The following DOK5 variants were observed in gnomAD, a reference collection of about 807,000 sequenced individuals.
DOK5 encodes docking protein 5.
DOK5 carries 27 observed loss-of-function variants against 43.3 expected under a neutral mutation model. The observed-to-expected ratio is 0.62, with a 90% CI of 0.46 to 0.86. The LOEUF (loss-of-function observed/expected upper bound fraction) is 0.86, where lower values mean the gene tolerates loss of function less well. Among genes scored for constraint, DOK5 ranks in the 40% least tolerant of loss-of-function variants. DOK5 has a pLI of 0.00. For synonymous variants in DOK5, 146 were observed against 140.1 expected (o/e 1.04, Z -0.30); for missense variants, 373 against 392.9 (o/e 0.95, Z 0.43).
intron 6 of DOK5, among the ~76,000 whole-genome samples, chr20:54,623,859 G>C (rs1200953587): frequency 1.3e-5 from 2 of 152,166 alleles, no homozygotes. Context: ...GATTACAGGC[G>C]TGAGCCACTG....
intron 2 of DOK5, among the ~76,000 whole-genome samples, chr20:54,569,218 T>C (rs1985204253): frequency 6.6e-6 from 1 of 152,214 alleles, no homozygotes; most frequent in Non-Finnish European, 1.5e-5. Flanking sequence ...ACACATTTGG[T>C]GAGCCTGTGG....
chr20:54,560,305 G>A (rs1600702142), intron 2 of DOK5, among the ~76,000 whole-genome samples: 1 of 152,040 alleles, frequency 6.6e-6, no homozygotes, highest in East Asian at 1.9e-4. Context: ...CCCTCCTCAT[G>A]TAAGAAACTA....
intron 5 of DOK5, among the ~76,000 whole-genome samples, chr20:54,602,798 C>G (rs1600728488): frequency 6.6e-6 from 1 of 152,012 alleles, no homozygotes; most frequent in African/African-American, 2.4e-5. Context: ...CTCAGCCTCC[C>G]GAGTAGCTGG....
intron 2 of DOK5, among the ~76,000 whole-genome samples, chr20:54,584,300 A>G (rs1245365292): frequency 6.6e-6 from 1 of 151,438 alleles, no homozygotes; most frequent in African/African-American, 2.4e-5. Flanking sequence ...TTAGGGTCAT[A>G]TTTTGATTCC....
intron 6 of DOK5, among the ~76,000 whole-genome samples, chr20:54,638,121 C>CG (rs1978927151): frequency 6.3e-5 from 1 of 15,926 alleles, no homozygotes; most frequent in African/African-American, 2.0e-4. Context: ...GACTCTGTCT[C>CG]GAAAAAAAAA....
At chr20:54,510,394 CT>C (rs1203662063) in intron 1 of DOK5, among the ~76,000 whole-genome samples, 1 of 151,904 alleles carries the variant, frequency 6.6e-6, no homozygotes, top group African/African-American at 2.4e-5. Flanking sequence ...CAGTTTTTAG[CT>C]TTTTATTAGA....
At chr20:54,642,518 A>T (rs2146829535) in intron 6 of DOK5, among the ~76,000 whole-genome samples, 1 of 147,846 alleles carries the variant, frequency 6.8e-6, no homozygotes, top group East Asian at 2.0e-4. Flanking sequence ...AGCCTGGCCA[A>T]CATGGAGAAA....
At chr20:54,611,914 T>C (rs1600735687) in intron 6 of DOK5, among the ~76,000 whole-genome samples, 2 of 152,224 alleles carry the variant, frequency 1.3e-5, no homozygotes, top group South Asian at 4.2e-4. Flanking sequence ...AGAGCCGGGG[T>C]CAGCAAATCT....
chr20:54,647,964 G>A (rs1979516835), intron 7 of DOK5, among the ~76,000 whole-genome samples: 1 of 152,104 alleles, frequency 6.6e-6, no homozygotes, highest in Non-Finnish European at 1.5e-5. Flanking sequence ...ATATTCAATG[G>A]GGTCTTTCTA....
At chr20:54,634,081 A>G (rs1380229269) in intron 6 of DOK5, among the ~76,000 whole-genome samples, 2 of 152,190 alleles carry the variant, frequency 1.3e-5, no homozygotes, top group Non-Finnish European at 2.9e-5. Flanking sequence ...CAAATGAGGA[A>G]CTGGGAAACC....
intron 1 of DOK5, among the ~76,000 whole-genome samples, chr20:54,500,430 T>G (rs1982551102): frequency 6.6e-6 from 1 of 152,154 alleles, no homozygotes; most frequent in Non-Finnish European, 1.5e-5. Flanking sequence ...TTTAATAACC[T>G]AATATGAACC....
chr20:54,609,386 ATATG>A (rs1356612642), intron 5 of DOK5, among the ~76,000 whole-genome samples: 1 of 152,230 alleles, frequency 6.6e-6, no homozygotes, highest in Non-Finnish European at 1.5e-5. Context: ...TACTGTTGGC[ATATG>A]TATGTATCAA....
At chr20:54,632,286 A>G (rs1037011110) in intron 6 of DOK5, among the ~76,000 whole-genome samples, 2 of 152,194 alleles carry the variant, frequency 1.3e-5, no homozygotes, top group Non-Finnish European at 1.5e-5. Flanking sequence ...TGGTGGTTTT[A>G]TGTATGGCTT....
intron 5 of DOK5, among the ~76,000 whole-genome samples, chr20:54,607,985 TATA>T (rs1986527025): frequency 6.6e-6 from 1 of 152,184 alleles, no homozygotes; most frequent in South Asian, 2.1e-4. Context: ...TGGGTTATGA[TATA>T]AATTAAGCAT....
chr20:54,626,217 A>T (rs1417580926), intron 6 of DOK5, among the ~76,000 whole-genome samples: 3 of 152,210 alleles, frequency 2.0e-5, no homozygotes, highest in Non-Finnish European at 4.4e-5. Flanking sequence ...GGAATGAATG[A>T]GCCGAAGAAC....
At chr20:54,598,066 G>C (rs1986194982) in intron 5 of DOK5, among the ~76,000 whole-genome samples, 2 of 152,116 alleles carry the variant, frequency 1.3e-5, no homozygotes, top group Admixed American at 6.5e-5. Flanking sequence ...TCTTAGTTTG[G>C]AGTGTAGGCA....
chr20:54,502,269 T>G (rs1982637551), intron 1 of DOK5, among the ~76,000 whole-genome samples: 1 of 152,198 alleles, frequency 6.6e-6, no homozygotes, highest in Non-Finnish European at 1.5e-5. Flanking sequence ...CATTCATTCA[T>G]CTATTCAACG....
rs952466792 is a variant in DOK5, at chr20:54,565,050, C to T, written c.174+10010C>T. On this transcript the variant is annotated intron_variant, in intron 2 of 7. Transcript: ENST00000262593. ...TTCAGGGATTAGCTCAATTTCACTG[C>T]CTGAAAAGGGCCTTATTTGAATACT... 2.6e-5 allele frequency among the ~76,000 whole-genome samples: 4 copies of T among 152,240 alleles called. No homozygotes were observed. The South Asian group carries it at 8.3e-4, about 32-fold the overall frequency.
At chr20:54,647,773 A>G (rs1979506832) in intron 7 of DOK5, among the ~76,000 whole-genome samples, 1 of 152,168 alleles carries the variant, frequency 6.6e-6, no homozygotes, top group Non-Finnish European at 1.5e-5. Flanking sequence ...AAACAAATCA[A>G]TAATTTCAGG....
Sources: gnomAD v4.1 joint callset for allele counts (sites outside exome capture counted in the v4.1 genomes callset) on GRCh38, gnomAD v4.1.1 for gene constraint, MANE v1.5 for transcripts, NCBI Gene and HGNC (gene_info 2026-07-23, HGNC 2026-07-21) for gene names.